The following ECH1 variants were observed in gnomAD, a reference collection of about 807,000 sequenced individuals.
ECH1 encodes the protein enoyl-CoA hydratase 1.
In ECH1, 30 loss-of-function variants were observed where a neutral mutation model predicts 37.0. The observed-to-expected ratio is 0.81, with a 90% CI of 0.61 to 1.10. The LOEUF is 1.10. Among genes scored for constraint, ECH1 ranks in the 50% least tolerant of loss-of-function variants. ECH1 has a pLI of 0.00. For synonymous variants in ECH1, 178 were observed against 176.0 expected (o/e 1.01, Z -0.09); for missense variants, 456 against 441.6 (o/e 1.03, Z -0.29).
intron 3 of ECH1, among the ~76,000 whole-genome samples, chr19:38,826,661 C>T (rs994193193): frequency 2.0e-5 from 3 of 152,144 alleles, no homozygotes; most frequent in African/African-American, 7.2e-5. Flanking sequence ...TTCTGTATTC[C>T]CCTACACTCT....
chr19:38,831,759 A>G lies in ECH1; in HGVS notation c.14T>C (p.Ile5Thr), dbSNP rs1476543505. 1 of 1,612,954 alleles carries G rather than the reference A, an allele frequency of 6.2e-7. No homozygotes were observed. The highest frequency in any genetic ancestry group is 8.5e-7 in the Non-Finnish European group (1 of 1,179,786). Reference sequence around the variant, plus strand: ...GTCGCGGAGTCTGCGAGAAGCCACTATCCCCGCCGCCATCGCCGCCGCCTT... The same window carrying G: ...GTCGCGGAGTCTGCGAGAAGCCACTGTCCCCGCCGCCATCGCCGCCGCCTT... The part of the protein sequence containing the change: MAAG[I>T]VASRRLRDLL... Residue 5 changes from isoleucine (I) to threonine (T), a missense_variant, in exon 1 of 10, where the codon ATA becomes ACA. Coordinates refer to ENST00000221418, the MANE Select transcript of ECH1 (RefSeq NM_001398.3).
At chr19:38,831,689 G>C in intron 1 of ECH1, 32 bp downstream of exon 1, 1 of 1,613,064 alleles carries the variant, frequency 6.2e-7, no homozygotes, top group Non-Finnish European at 8.5e-7. Context: ...ACGACAGCGC[G>C]ACGCACCCCC....
chr19:38,817,871 C>A (rs1329377019), intron 3 of ECH1: 1 of 502,156 alleles, frequency 2.0e-6, no homozygotes, highest in African/African-American at 2.1e-5. Flanking sequence ...AAGCACTTGC[C>A]CAAGGGGGTC....
chr19:38,820,014 T>C (rs913423979), intron 3 of ECH1, among the ~76,000 whole-genome samples: 6 of 146,328 alleles, frequency 4.1e-5, no homozygotes, highest in South Asian at 4.3e-4. Context: ...CAAGTGGAAA[T>C]AGGATCCAGA....
At chr19:38,826,229 G>C (rs889921230) in intron 3 of ECH1, among the ~76,000 whole-genome samples, 1 of 152,152 alleles carries the variant, frequency 6.6e-6, no homozygotes, top group Non-Finnish European at 1.5e-5. Flanking sequence ...TCAATATGGG[G>C]AACAAGTTAC....
chr19:38,816,900 A>T, intron 6 of ECH1, 165 bp downstream of exon 6: 1 of 803,026 alleles, frequency 1.2e-6, no homozygotes, highest in South Asian at 1.7e-5. Flanking sequence ...ACCCCACCTC[A>T]TACCTTACCC....
intron 3 of ECH1, among the ~76,000 whole-genome samples, chr19:38,826,743 C>T (rs1971744663): frequency 1.3e-5 from 2 of 152,092 alleles, no homozygotes; most frequent in Non-Finnish European, 2.9e-5. Context: ...CGGTCTTGCC[C>T]CAAGGGTTTA....
rs1385242115 is a variant in ECH1 at position 38,815,885 on chromosome 19, T to C, written c.854A>G (p.His285Arg). Residue 285 changes from histidine (H) to arginine (R), a missense_variant, in exon 9 of 10, where the codon CAT becomes CGT. Transcript: ENST00000221418. ...TKVNLLYSRDHSVAESLNYVA... is the reference protein window; with the variant it reads ...TKVNLLYSRDRSVAESLNYVA... ...GTAGTTGAGGCTCTCGGCCACCGAA[T>C]GGTCGCGGGAATACAGCAGGTTGAC... 6.2e-7 allele frequency: 1 copy of C among 1,614,044 alleles called. No homozygotes were observed. The highest frequency in any genetic ancestry group is 8.5e-7 in the Non-Finnish European group (1 of 1,180,034).
At chr19:38,816,160 T>A in intron 8 of ECH1, 124 bp downstream of exon 8, 1 of 1,477,962 alleles carries the variant, frequency 6.8e-7, no homozygotes, top group Non-Finnish European at 9.1e-7. Flanking sequence ...AATAAAGAAA[T>A]GAGCTCACCA....
At chr19:38,816,838 TC>T (rs1467193664) in intron 6 of ECH1, 1 of 638,940 alleles carries the variant, frequency 1.6e-6, no homozygotes, top group African/African-American at 1.8e-5. Context: ...CCTCCCACCC[TC>T]ACCAGTATGG....
In ECH1 at chr19:38,831,079, T is replaced by A. The variant is rs1273020947; in HGVS notation, c.348A>T (p.Ala116=). ...VISGAGKMFT[A]GIDLMDMASD... ...GGGTGTGTGAAGAGCGTCTGGTACCTGCAGTGAACATTTTTCCTGCACCAG... is the reference window on the plus strand; with the variant it reads ...GGGTGTGTGAAGAGCGTCTGGTACCAGCAGTGAACATTTTTCCTGCACCAG... Residue 116 remains alanine (A), a splice_region_variant and synonymous_variant, in exon 3 of 10, where the codon GCA becomes GCT. Coordinates refer to ENST00000221418, the MANE Select transcript of ECH1 (RefSeq NM_001398.3). 1.9e-6 allele frequency: 3 copies of A among 1,613,856 alleles called. No homozygotes were observed. The highest frequency in any genetic ancestry group is 1.7e-6 in the Non-Finnish European group (2 of 1,179,916).
In ECH1 at chr19:38,815,634, G is replaced by A. The variant is rs766818823; in HGVS notation, c.966C>T (p.Thr322=). 26 of 1,614,184 alleles carry A rather than the reference G, an allele frequency of 1.6e-5. No homozygotes were observed. The East Asian group carries it at 4.7e-4, about 29-fold the overall frequency. ...QATTENKELK[T]VTFSKL ...GCTCTCAGAGCTTGGAGAAGGTGACGGTTTTCAGTTCCTTGTTCTCAGTCG... is the reference window on the plus strand; with the variant it reads ...GCTCTCAGAGCTTGGAGAAGGTGACAGTTTTCAGTTCCTTGTTCTCAGTCG... The change falls in exon 10 of 10, where the codon ACC becomes ACT. Residue 322 remains threonine, a synonymous_variant. Coordinates refer to ENST00000221418, the MANE Select transcript of ECH1 (RefSeq NM_001398.3).
chr19:38,815,678 C>T lies in ECH1; in HGVS notation c.922G>A (p.Val308Met), dbSNP rs913591129. The T allele has an allele frequency of 3.1e-6, 5 of 1,614,186 alleles. No homozygotes were observed. The highest frequency in any genetic ancestry group is 1.6e-4 in the Middle Eastern group (1 of 6,062). ...NMSMLQTQDL[V>M]KSVQATTENK... The stretch of plus-strand genomic sequence containing the variant: ...TCAGTCGTGGCCTGGACCGACTTCA[C>T]GAGGTCTTGGGTCTGCAGCATGCTC... The change falls in exon 10 of 10, where the codon GTG becomes ATG. Residue 308 changes from valine (V) to methionine (M), a missense_variant. By Grantham distance (21) the Val-to-Met change is conservative (BLOSUM62 1). Coordinates refer to ENST00000221418, the MANE Select transcript of ECH1 (RefSeq NM_001398.3).
chr19:38,819,411 C>G (rs1176202857), intron 3 of ECH1, among the ~76,000 whole-genome samples: 4 of 152,120 alleles, frequency 2.6e-5, no homozygotes, highest in Non-Finnish European at 4.4e-5. Flanking sequence ...TCCCCCGCAT[C>G]CTGACCCCGC....
At position 38,816,499 on chromosome 19, in the gene ECH1, C is replaced by G; in HGVS notation, c.613G>C (p.Asp205His). The part of the protein sequence containing the change: ...VKEVDVGLAA[D>H]VGTLQRLPKV... ...GGCAGGCGCTGCAGTGTTCCTACAT[C>G]GGCAGCCAAACCCACGTCCACCTCC... The change falls in exon 7 of 10, where the codon GAT (aspartate) becomes CAT (histidine). Residue 205 changes from aspartate to histidine, a missense_variant. Transcript: ENST00000221418. The G allele has an allele frequency of 6.2e-7, 1 of 1,614,164 alleles. No homozygotes were observed. Among genetic ancestry groups the G allele is most frequent in the Non-Finnish European group, 8.5e-7 (1 of 1,180,004 alleles).
chr19:38,818,265 A>C, intron 3 of ECH1: 1 of 985,444 alleles, frequency 1.0e-6, no homozygotes, highest in Non-Finnish European at 1.2e-6. Flanking sequence ...TGAGCAATGC[A>C]GTCAATGGTG....
rs1485196118 is a variant in ECH1, at chr19:38,816,524, C to T, written c.589-1G>A. The stretch of plus-strand genomic sequence containing the variant: ...CGGCAGCCAAACCCACGTCCACCTC[C>T]TGGGGGAGGAATCGGGTCAGTGTTT... On this transcript the variant is annotated splice_acceptor_variant, in intron 6 of 9. Coordinates refer to ENST00000221418, the MANE Select transcript of ECH1 (RefSeq NM_001398.3). LOFTEE classifies it high-confidence loss of function. 1.2e-6 allele frequency: 2 copies of T among 1,614,018 alleles called. No individual in the cohort carries two copies. Among genetic ancestry groups the T allele is most frequent in the East Asian group, 2.2e-5 (1 of 44,888 alleles).
chr19:38,816,810 TC>T, intron 6 of ECH1: 1 of 620,376 alleles, frequency 1.6e-6, no homozygotes, highest in Non-Finnish European at 2.8e-6. Context: ...CTTTACTGCA[TC>T]CCCCGGCTCC....
rs373012330 is a variant in ECH1, at chr19:38,825,840, C to T, written c.349+5238G>A. 6.3e-4 allele frequency among the ~76,000 whole-genome samples: 96 copies of T among 152,332 alleles called. 2 individuals carry two copies. The East Asian group carries it at 9.8e-3, about 16-fold the overall frequency. ...ATCACTGGAAGGTGCACTGCCCCAG[C>T]GGACGAAGGTTCCCTAGGTCAGAAG... On this transcript the variant is annotated intron_variant, in intron 3 of 9. Coordinates refer to ENST00000221418, the MANE Select transcript of ECH1 (RefSeq NM_001398.3).
Sources: gnomAD v4.1 joint callset for allele counts (sites outside exome capture counted in the v4.1 genomes callset) on GRCh38, gnomAD v4.1.1 for gene constraint, MANE v1.5 for transcripts, NCBI Gene and HGNC (gene_info 2026-07-23, HGNC 2026-07-21) for gene names.